Variants in MPP1 observed in about 807,000 individuals in gnomAD.
The protein encoded by MPP1 is MAGUK p55 scaffold protein 1.
In MPP1, 6 loss-of-function variants were observed where a neutral mutation model predicts 38.2. The ratio of observed to expected loss-of-function variants is 0.16; its 90% CI spans 0.09 to 0.31. The LOEUF (loss-of-function observed/expected upper bound fraction) is 0.31, where lower values mean the gene tolerates loss of function less well. MPP1 is among the 10% of genes least tolerant of loss of function. The probability of loss-of-function intolerance (pLI) is 1.00; values close to 1 mark genes in which losing one functional copy is unlikely to be tolerated. For missense variants in MPP1, 293 were observed against 368.9 expected (o/e 0.79, Z 1.69); for synonymous variants, 153 against 146.3 (o/e 1.05, Z -0.33).
chrX:154,782,948 A>T (rs1229105133), intron 9 of MPP1: 1 of 112,260 alleles, frequency 8.9e-6, no homozygotes, highest in Non-Finnish European at 1.9e-5. Context: ...CCACCTGATC[A>T]CTGGCGCTAC....
chrX:154,795,367 T>A (rs970541268), intron 1 of MPP1, among the ~76,000 whole-genome samples: 1 of 111,714 alleles, frequency 9.0e-6, no homozygotes, highest in Non-Finnish European at 1.9e-5. Flanking sequence ...CTGAGGGTGA[T>A]CTTGAAGATT....
At chrX:154,785,239 C>G (rs1557267101) in intron 6 of MPP1, 82 bp from the exon 7 acceptor site, 1 of 633,579 alleles carries the variant, frequency 1.6e-6, no homozygotes, top group African/African-American at 2.6e-5. Flanking sequence ...TCTAATGGCA[C>G]CCCCTTCACT....
Position 154,792,125 on chromosome X carries a change from A to C in MPP1, c.246+17T>G. On this transcript the variant is annotated intron_variant, in intron 2 of 11. Coordinates refer to ENST00000369534, the MANE Select transcript of MPP1 (RefSeq NM_002436.4). ...GGCAGAGAGTAACTGGTGGGCGACAATATGACGGGGGATTACCATGGGCTC... is the reference window on the plus strand; with the variant it reads ...GGCAGAGAGTAACTGGTGGGCGACACTATGACGGGGGATTACCATGGGCTC... 1 of 1,207,033 alleles carries C rather than the reference A, an allele frequency of 8.3e-7. No homozygotes were observed.
chrX:154,786,205 A>G lies in MPP1; in HGVS notation c.676T>C (p.Trp226Arg). ...GLIPSPELQE[W>R]RVASMAQSAP... ...TCCACCTGCACAAAAATGGCTCACC[A>G]TTCCTGCAGCTCAGGGGAAGGGATC... Residue 226 changes from tryptophan (W) to arginine (R), a missense_variant and splice_region_variant, in exon 6 of 12, where the codon TGG (tryptophan) becomes CGG (arginine). Coordinates refer to ENST00000369534, the MANE Select transcript of MPP1 (RefSeq NM_002436.4). 8.3e-7 allele frequency: 1 copy of G among 1,206,641 alleles called. No individual in the cohort carries two copies.
intron 1 of MPP1, among the ~76,000 whole-genome samples, chrX:154,794,944 A>T (rs1557268038): frequency 9.0e-6 from 1 of 111,353 alleles, no homozygotes; most frequent in East Asian, 2.8e-4. Context: ...TCTGTAAGAA[A>T]TTTTAAAATT....
chrX:154,792,656 T>C (rs2072155536), intron 1 of MPP1, among the ~76,000 whole-genome samples: 1 of 111,130 alleles, frequency 9.0e-6, no homozygotes, highest in Admixed American at 9.6e-5. Context: ...ATAACAAAAT[T>C]AGAAAGATTC....
At chrX:154,783,158 T>G (rs782676447) in intron 9 of MPP1, 1 of 150,294 alleles carries the variant, frequency 6.7e-6, no homozygotes, top group African/African-American at 3.1e-5. Flanking sequence ...GTATAAACTT[T>G]AATACTTAGT....
intron 10 of MPP1, 78 bp from the exon 11 acceptor site, chrX:154,781,391 T>G: frequency 1.2e-6 from 1 of 861,638 alleles, no homozygotes. Context: ...CCTACATAGC[T>G]GTCATAATGG....
At chrX:154,800,555 C>A (rs782652403) in intron 1 of MPP1, among the ~76,000 whole-genome samples, 2 of 112,298 alleles carry the variant, frequency 1.8e-5, no homozygotes, top group Non-Finnish European at 3.8e-5. Flanking sequence ...CACAGGGCTG[C>A]AGATACCTGG....
chrX:154,791,666 G>T (rs2148533059), intron 3 of MPP1, 103 bp downstream of exon 3: 2 of 752,682 alleles, frequency 2.7e-6, no homozygotes, highest in Non-Finnish European at 2.0e-6. Context: ...TCACAAAAAT[G>T]CTACCAGTTT....
chrX:154,784,575 C>T (rs1174976453), intron 7 of MPP1: 2 of 223,772 alleles, frequency 8.9e-6, no homozygotes, highest in Non-Finnish European at 1.7e-5. Context: ...AAGACTGCCA[C>T]GATCATTCCC....
intron 1 of MPP1, among the ~76,000 whole-genome samples, chrX:154,801,977 G>A (rs781971753): frequency 1.8e-5 from 2 of 110,582 alleles, no homozygotes; most frequent in Non-Finnish European, 3.8e-5. Context: ...AAAGGAAACA[G>A]CAAGATCCAA....
intron 6 of MPP1, 141 bp downstream of exon 6, chrX:154,786,063 C>A: frequency 1.7e-6 from 1 of 591,647 alleles, no homozygotes; most frequent in Non-Finnish European, 2.6e-6. Flanking sequence ...CATGGTTAAC[C>A]CTCCCCCACC....
chrX:154,804,197 T>C (rs1451723813), intron 1 of MPP1, among the ~76,000 whole-genome samples: 1 of 112,146 alleles, frequency 8.9e-6, no homozygotes, highest in Non-Finnish European at 1.9e-5. Context: ...TCTACAGCTC[T>C]ACTGCTTGCC....
intron 1 of MPP1, among the ~76,000 whole-genome samples, chrX:154,804,534 G>C (rs1345447740): frequency 1.8e-5 from 2 of 111,379 alleles, no homozygotes; most frequent in African/African-American, 6.6e-5. Flanking sequence ...ATGGCTCATG[G>C]CTCCAAATGA....
Position 154,783,406 on chromosome X carries a change from AG to A in MPP1, c.946+20del. 5.1e-6 allele frequency: 6 copies of A among 1,174,912 alleles called. No individual in the cohort carries two copies. Among genetic ancestry groups the A allele is most frequent in the Non-Finnish European group, 6.9e-6 (6 of 867,077 alleles). On this transcript the variant is annotated intron_variant, in intron 9 of 11. Coordinates refer to ENST00000369534, the MANE Select transcript of MPP1 (RefSeq NM_002436.4). ...GTACCAGCCTGTCACCTCCCCTCCA[AG>A]GTGCCTAAGAGCTACTTACATGGGA...
chrX:154,781,569 C>G (rs1380370262), intron 10 of MPP1, 31 bp downstream of exon 10: 1 of 1,188,503 alleles, frequency 8.4e-7, no homozygotes, highest in Non-Finnish European at 1.1e-6. Flanking sequence ...TGGCTGAGCC[C>G]ATCTGTCCCT....
At chrX:154,792,308 C>T (rs1557267857) in intron 1 of MPP1, 23 bp from the exon 2 acceptor site, 5 of 1,191,598 alleles carry the variant, frequency 4.2e-6, no homozygotes, top group Non-Finnish European at 4.5e-6. Flanking sequence ...AACAACAAAG[C>T]AACGTATGAA....
At chrX:154,800,933 A>G (rs782690522) in intron 1 of MPP1, among the ~76,000 whole-genome samples, 1 of 112,629 alleles carries the variant, frequency 8.9e-6, no homozygotes, top group East Asian at 2.8e-4. Flanking sequence ...TTGTTCATGT[A>G]TATTTCTTCA....
Sources: allele counts gnomAD v4.1 joint callset (sites outside exome capture counted in the v4.1 genomes callset), GRCh38; gene constraint gnomAD v4.1.1; transcripts MANE v1.5; gene names NCBI Gene and HGNC (gene_info 2026-07-23, HGNC 2026-07-21).